Variants in BBX observed in about 807,000 individuals in gnomAD.
BBX encodes the protein BBX high mobility group box domain containing, also known as HMG box transcription factor BBX.
In BBX, 30 loss-of-function variants were observed where a neutral mutation model predicts 100.2. The ratio of observed to expected loss-of-function variants is 0.30; its 90% CI spans 0.22 to 0.41. BBX has a LOEUF of 0.41. Ranked by LOEUF, BBX falls within the 10% of genes least tolerant of loss-of-function variation. BBX has a pLI of 1.00. For missense variants in BBX, 1,023 were observed against 1,129.8 expected (o/e 0.91, Z 1.35); for synonymous variants, 376 against 388.1 (o/e 0.97, Z 0.37).
intron 2 of BBX, among the ~76,000 whole-genome samples, chr3:107,555,415 T>A (rs1449327596): frequency 2.0e-5 from 3 of 152,114 alleles, no homozygotes; most frequent in Admixed American, 2.0e-4. Context: ...ACCAATTGGG[T>A]CATTAAGACC....
At position 107,597,480 on chromosome 3, in the gene BBX, T is replaced by A. The variant is rs185898429; in HGVS notation, c.-83-48356T>A. ...TAGAAATTTATCTCTTTATGCATCA[T>A]TGGTGTTTTTCTTCTAATTAATTCA... On this transcript the variant is annotated intron_variant, in intron 2 of 17. Transcript: ENST00000325805. Among the ~76,000 whole-genome samples, 3 of 152,276 alleles carry A rather than the reference T, an allele frequency of 2.0e-5. No homozygotes were observed. In the East Asian group the frequency reaches 5.8e-4, roughly 29 times the overall value.
At chr3:107,801,757 C>G (rs1218130472) in intron 17 of BBX, among the ~76,000 whole-genome samples, 1 of 152,032 alleles carries the variant, frequency 6.6e-6, no homozygotes, top group African/African-American at 2.4e-5. Flanking sequence ...GTGGAATGCC[C>G]CTTATTGGTG....
At chr3:107,779,390 A>T (rs369152573) in intron 13 of BBX, among the ~76,000 whole-genome samples, 5 of 152,006 alleles carry the variant, frequency 3.3e-5, no homozygotes, top group Admixed American at 2.0e-4. Context: ...CTAAAGATTG[A>T]TAGGGAAAAT....
At chr3:107,672,271 A>G (rs2059057687) in intron 3 of BBX, among the ~76,000 whole-genome samples, 1 of 152,058 alleles carries the variant, frequency 6.6e-6, no homozygotes, top group Admixed American at 6.6e-5. Flanking sequence ...AATTGTTCTT[A>G]TCTTCAAATC....
rs527718744 is a variant in BBX, at chr3:107,540,133, T to C, written c.-84+13735T>C. 2.5e-3 allele frequency among the ~76,000 whole-genome samples: 382 copies of C among 152,312 alleles called. 1 individual carries two copies. Among genetic ancestry groups the C allele is most frequent in the Non-Finnish European group, 4.2e-3 (288 of 68,028 alleles). On this transcript the variant is annotated intron_variant, in intron 2 of 17. Coordinates refer to ENST00000325805, the MANE Select transcript of BBX (RefSeq NM_001142568.3). Reference sequence around the variant, plus strand: ...TATTAGTTGGACAGTGTTTATGTAGTTCAGCACGAGGGATCTGGCAGAGGC... The same window carrying C: ...TATTAGTTGGACAGTGTTTATGTAGCTCAGCACGAGGGATCTGGCAGAGGC...
chr3:107,693,030 CT>C (rs1437553331), intron 3 of BBX, among the ~76,000 whole-genome samples: 3 of 146,172 alleles, frequency 2.1e-5, no homozygotes, highest in Non-Finnish European at 4.5e-5. Context: ...CCTTTGCCCA[CT>C]TTTTGATGGG....
At chr3:107,636,391 T>C (rs1446553413) in intron 2 of BBX, among the ~76,000 whole-genome samples, 1 of 152,248 alleles carries the variant, frequency 6.6e-6, no homozygotes, top group Non-Finnish European at 1.5e-5. Flanking sequence ...GTCTATAATT[T>C]GCTGCTTAAG....
rs557590505 is a variant in BBX, at chr3:107,797,732, A to G, written c.2354-791A>G. ...AGACACAAGCTTCCCCAATCTGTGT[A>G]AACCAGGAGAAAAGTCTGTGGTACA... is the stretch of plus-strand genomic sequence containing the variant. On this transcript the variant is annotated intron_variant, in intron 15 of 17. Coordinates refer to ENST00000325805, the MANE Select transcript of BBX (RefSeq NM_001142568.3). Among the ~76,000 whole-genome samples the G allele has an allele frequency of 2.0e-5, 3 of 152,302 alleles. No homozygotes were observed. The East Asian group carries it at 5.8e-4, about 29-fold the overall frequency.
intron 7 of BBX, among the ~76,000 whole-genome samples, chr3:107,734,813 T>TTA (rs2063537704): frequency 6.6e-6 from 1 of 152,168 alleles, no homozygotes; most frequent in South Asian, 2.1e-4. Flanking sequence ...GAAGTTCTCC[T>TTA]ACTCCTTCTT....
intron 3 of BBX, among the ~76,000 whole-genome samples, chr3:107,672,538 A>G (rs2059073540): frequency 6.6e-6 from 1 of 152,030 alleles, no homozygotes; most frequent in South Asian, 2.1e-4. Context: ...AACATCTCCT[A>G]AGTATAAGAC....
intron 2 of BBX, among the ~76,000 whole-genome samples, chr3:107,628,538 T>C (rs1362959131): frequency 6.6e-6 from 1 of 152,116 alleles, no homozygotes; most frequent in African/African-American, 2.4e-5. Flanking sequence ...ATGTACCATT[T>C]TTTATATGAG....
Position 107,810,252 on chromosome 3 carries a change from A to G in BBX, c.*4795A>G, listed in dbSNP as rs900642874. On this transcript the variant is annotated 3_prime_UTR_variant, in exon 18 of 18. Coordinates refer to ENST00000325805, the MANE Select transcript of BBX (RefSeq NM_001142568.3). ...AAGGTTCCTCTTCTGGCCAAATTTG[A>G]TCTATGGTGGTATGATTCATACTGT... The G allele has an allele frequency of 2.7e-5, 4 of 148,020 alleles. No individual in the cohort carries two copies. Among genetic ancestry groups the G allele is most frequent in the African/African-American group, 1.0e-4 (4 of 40,154 alleles). The allele number at this position is 148,020 out of a possible 1,614,324, so 9.2% of individuals were successfully genotyped here.
At position 107,710,446 on chromosome 3, in the gene BBX, T is replaced by C. The variant is rs1273193303; in HGVS notation, c.-9-6T>C. 1 of 1,605,348 alleles carries C rather than the reference T, an allele frequency of 6.2e-7. No individual in the cohort carries two copies. On this transcript the variant is annotated splice_polypyrimidine_tract_variant and splice_region_variant and intron_variant, in intron 3 of 17. Coordinates refer to ENST00000325805, the MANE Select transcript of BBX (RefSeq NM_001142568.3). ...CCCTGTTTCTCTCTCTCTCTTCCTA[T>C]TACAGGTCACAGTAATGAAAGGCAG...
At chr3:107,751,648 G>A (rs1190405901) in intron 9 of BBX, among the ~76,000 whole-genome samples, 1 of 152,134 alleles carries the variant, frequency 6.6e-6, no homozygotes, top group African/African-American at 2.4e-5. Flanking sequence ...GTGGAGCCAT[G>A]AAACTGAATA....
intron 2 of BBX, among the ~76,000 whole-genome samples, chr3:107,570,603 A>T (rs1410495415): frequency 6.6e-6 from 1 of 152,120 alleles, no homozygotes; most frequent in Non-Finnish European, 1.5e-5. Flanking sequence ...CAGGTTGGGG[A>T]GGGCTAGTTG....
chr3:107,599,159 GA>G (rs1559857871), intron 2 of BBX, among the ~76,000 whole-genome samples: 1 of 152,190 alleles, frequency 6.6e-6, no homozygotes, highest in Admixed American at 6.5e-5. Context: ...TACAAGGAAG[GA>G]AAGGTATGGC....
At chr3:107,601,492 AACAACTTTGTTGTT>A (rs1164950971) in intron 2 of BBX, among the ~76,000 whole-genome samples, 1 of 152,228 alleles carries the variant, frequency 6.6e-6, no homozygotes, top group Non-Finnish European at 1.5e-5. Flanking sequence ...AAGAAAGCAA[AACAACTTTGTTGTT>A]GATACGGAGA....
At chr3:107,655,743 C>G (rs2058099166) in intron 3 of BBX, among the ~76,000 whole-genome samples, 1 of 151,456 alleles carries the variant, frequency 6.6e-6, no homozygotes, top group African/African-American at 2.4e-5. Context: ...CTCTGTCCCC[C>G]AGGCTGGAAT....
At chr3:107,690,970 G>A (rs1013708937) in intron 3 of BBX, among the ~76,000 whole-genome samples, 2 of 124,086 alleles carry the variant, frequency 1.6e-5, no homozygotes, top group Non-Finnish European at 3.1e-5. Flanking sequence ...CATGATCACA[G>A]CTCATTGCAC....
Sources: gnomAD v4.1 joint callset for allele counts (sites outside exome capture counted in the v4.1 genomes callset) on GRCh38, gnomAD v4.1.1 for gene constraint, MANE v1.5 for transcripts, NCBI Gene and HGNC (gene_info 2026-07-23, HGNC 2026-07-21) for gene names.